Variants in FGF14 observed in about 807,000 individuals in gnomAD.
FGF14 encodes fibroblast growth factor 14, also known as fibroblast growth factor homologous factor 4.
In FGF14, 5 loss-of-function variants were observed where a neutral mutation model predicts 25.5. That is an observed-to-expected ratio of 0.20 (90% CI 0.10 to 0.41). The LOEUF (loss-of-function observed/expected upper bound fraction) is 0.41. Ranked by LOEUF, FGF14 falls within the 10% of genes least tolerant of loss-of-function variation. The pLI, the probability that FGF14 is intolerant of heterozygous loss-of-function variation, is 1.00. For missense variants in FGF14, 222 were observed against 320.1 expected (o/e 0.69, Z 2.34); for synonymous variants, 138 against 118.3 (o/e 1.17, Z -1.08).
intron 2 of FGF14, among the ~76,000 whole-genome samples, chr13:101,874,341 A>G (rs2045279367): frequency 6.6e-6 from 1 of 152,144 alleles, no homozygotes; most frequent in South Asian, 2.1e-4. Flanking sequence ...AAAAATTCAT[A>G]TCTATTTTTG....
chr13:102,092,620 CT>C (rs35376851), intron 1 of FGF14, among the ~76,000 whole-genome samples: 27,405 of 152,050 alleles, frequency 0.18, 2,618 homozygotes, highest in South Asian at 0.26. Context: ...TTCTTAGCCC[CT>C]ATAAACACAT....
At chr13:102,086,067 A>G (rs942517686) in intron 1 of FGF14, among the ~76,000 whole-genome samples, 6 of 152,230 alleles carry the variant, frequency 3.9e-5, no homozygotes, top group African/African-American at 1.4e-4. Flanking sequence ...AAACCCATGT[A>G]GGGATTAATT....
upstream of FGF14, among the ~76,000 whole-genome samples, chr13:101,920,317 C>T (rs865971677): frequency 6.6e-6 from 1 of 152,164 alleles, no homozygotes; most frequent in African/African-American, 2.4e-5. Context: ...TGTAGCTCCT[C>T]ACCAAGCTAT....
At chr13:101,813,336 G>A (rs891450031) in intron 3 of FGF14, among the ~76,000 whole-genome samples, 2 of 152,200 alleles carry the variant, frequency 1.3e-5, no homozygotes, top group Non-Finnish European at 2.9e-5. Context: ...GGAGGTTACT[G>A]AGGACTGAGC....
intron 1 of FGF14, among the ~76,000 whole-genome samples, chr13:102,062,481 T>C (rs1242428194): frequency 6.6e-6 from 1 of 152,118 alleles, no homozygotes; most frequent in Non-Finnish European, 1.5e-5. Flanking sequence ...CTCTACACCA[T>C]ACTCAAACCC....
At chr13:102,214,588 T>G (rs2140933887) in intron 1 of FGF14, among the ~76,000 whole-genome samples, 2 of 152,266 alleles carry the variant, frequency 1.3e-5, no homozygotes, top group Middle Eastern at 3.4e-3. Flanking sequence ...GCCATTTAGT[T>G]TCAACACTCA....
intron 1 of FGF14, among the ~76,000 whole-genome samples, chr13:102,158,419 G>A (rs1360685439): frequency 2.0e-5 from 3 of 147,378 alleles, no homozygotes; most frequent in Non-Finnish European, 4.4e-5. Flanking sequence ...CTATCACAAG[G>A]ACAAAAAACC....
At chr13:102,045,477 A>G (rs1209702160) in intron 1 of FGF14, among the ~76,000 whole-genome samples, 1 of 152,156 alleles carries the variant, frequency 6.6e-6, no homozygotes, top group Non-Finnish European at 1.5e-5. Context: ...AGAAACCATC[A>G]GGACAACTCA....
At chr13:102,347,887 A>T (rs1410782498) in intron 1 of FGF14, among the ~76,000 whole-genome samples, 1 of 152,212 alleles carries the variant, frequency 6.6e-6, no homozygotes, top group African/African-American at 2.4e-5. Context: ...AAATATAAAC[A>T]GTGATGATCT....
chr13:102,225,874 T>C (rs908269132), intron 1 of FGF14, among the ~76,000 whole-genome samples: 2 of 152,184 alleles, frequency 1.3e-5, no homozygotes, highest in Admixed American at 6.6e-5. Flanking sequence ...ATGTACATAT[T>C]GTAACTGACC....
intron 3 of FGF14, among the ~76,000 whole-genome samples, chr13:101,863,375 G>A (rs1274387787): frequency 6.6e-6 from 1 of 152,154 alleles, no homozygotes; most frequent in African/African-American, 2.4e-5. Flanking sequence ...TGCCTGCAAT[G>A]GATGTTGATG....
chr13:102,355,991 TC>T (rs928268820), intron 1 of FGF14, among the ~76,000 whole-genome samples: 6 of 152,298 alleles, frequency 3.9e-5, no homozygotes, highest in African/African-American at 1.4e-4. Context: ...TAGCACAATG[TC>T]CCCGTCTCTC....
At chr13:101,983,458 T>G (rs1017846207) in intron 1 of FGF14, among the ~76,000 whole-genome samples, 1 of 152,140 alleles carries the variant, frequency 6.6e-6, no homozygotes, top group Non-Finnish European at 1.5e-5. Flanking sequence ...TTAAAGTAAA[T>G]AAGATCCTTG....
At chr13:101,888,938 T>C (rs2046128755) in intron 1 of FGF14, among the ~76,000 whole-genome samples, 1 of 152,146 alleles carries the variant, frequency 6.6e-6, no homozygotes, top group Admixed American at 6.6e-5. Flanking sequence ...CTTAAAGACA[T>C]AATTAAGTTA....
intron 2 of FGF14, among the ~76,000 whole-genome samples, chr13:101,872,371 G>T (rs958350781): frequency 7.9e-5 from 12 of 151,348 alleles, no homozygotes; most frequent in Non-Finnish European, 1.6e-4. Flanking sequence ...ACCATGGGTT[G>T]GTTATTCATA....
chr13:102,351,619 C>T (rs1020252968), intron 1 of FGF14, among the ~76,000 whole-genome samples: 5 of 152,214 alleles, frequency 3.3e-5, no homozygotes, highest in African/African-American at 1.2e-4. Context: ...AGCAGGCCTG[C>T]AGTCTTCTCA....
chr13:102,076,045 TAA>T (rs1303244208), intron 1 of FGF14, among the ~76,000 whole-genome samples: 2 of 152,130 alleles, frequency 1.3e-5, no homozygotes, highest in African/African-American at 4.8e-5. Flanking sequence ...TTTTATGAAG[TAA>T]AAAAGTTATA....
At chr13:102,379,216 T>C (rs936907300) in intron 1 of FGF14, among the ~76,000 whole-genome samples, 1 of 152,102 alleles carries the variant, frequency 6.6e-6, no homozygotes, top group African/African-American at 2.4e-5. Flanking sequence ...GCTAGAGATA[T>C]CTAAATTAAA....
chr13:102,294,616 G>A (rs2054601612), intron 1 of FGF14, among the ~76,000 whole-genome samples: 1 of 152,156 alleles, frequency 6.6e-6, no homozygotes, highest in African/African-American at 2.4e-5. Flanking sequence ...TTGAATATTT[G>A]AGTGGTTGCT....
Sources: gnomAD v4.1 joint callset for allele counts (sites outside exome capture counted in the v4.1 genomes callset) on GRCh38, gnomAD v4.1.1 for gene constraint, MANE v1.5 for transcripts, NCBI Gene and HGNC (gene_info 2026-07-23, HGNC 2026-07-21) for gene names.